IQSEC1: variants seen among roughly 807,000 people sequenced by gnomAD.
IQSEC1 encodes the protein IQ motif and Sec7 domain ArfGEF 1, also known as IQ motif and SEC7 domain-containing protein 1.
Under a neutral mutation model 91.0 loss-of-function variants are expected in IQSEC1, and 31 were observed. That is an observed-to-expected ratio of 0.34 (90% CI 0.26 to 0.46). The LOEUF (loss-of-function observed/expected upper bound fraction) is 0.46, where lower values mean the gene tolerates loss of function less well. Among genes scored for constraint, IQSEC1 ranks in the 20% least tolerant of loss-of-function variants. The pLI is 1.00. For missense variants in IQSEC1, 1,388 were observed against 1,575.6 expected (o/e 0.88, Z 2.02); for synonymous variants, 699 against 662.6 (o/e 1.05, Z -0.84).
intron 1 of IQSEC1, among the ~76,000 whole-genome samples, chr3:13,068,424 G>A (rs360859): frequency 1.3e-5 from 2 of 152,110 alleles, no homozygotes; most frequent in Admixed American, 1.3e-4. Flanking sequence ...AGCAGGCCTG[G>A]GCCCTGGCCT....
intron 9 of IQSEC1, among the ~76,000 whole-genome samples, chr3:12,913,195 A>G (rs1347574103): frequency 6.6e-6 from 1 of 152,198 alleles, no homozygotes; most frequent in African/African-American, 2.4e-5. Context: ...AGTGCTGCTG[A>G]CGTTGGCAGA....
rs1694055117 is a variant in IQSEC1, at chr3:12,899,890, T to G, written c.*1093A>C. ...GAGCTGGTCACTTTCATGTTGGAGA[T>G]GAACACTTCTGCCGTGTATGGGTGC... On this transcript the variant is annotated 3_prime_UTR_variant, in exon 14 of 14. Coordinates refer to ENST00000613206, the MANE Select transcript of IQSEC1 (RefSeq NM_001134382.3). 1.0e-6 allele frequency: 1 copy of G among 984,904 alleles called. No individual in the cohort carries two copies. 61.0% of individuals were successfully genotyped at this position (984,904 alleles called of 1,614,324 possible).
chr3:12,996,274 G>GAGTA (rs1473922110), intron 1 of IQSEC1, among the ~76,000 whole-genome samples: 7 of 152,160 alleles, frequency 4.6e-5, no homozygotes, highest in African/African-American at 1.4e-4. Flanking sequence ...TCAGTGCCAG[G>GAGTA]AGTAGGTCAC....
intron 1 of IQSEC1, among the ~76,000 whole-genome samples, chr3:13,070,641 C>A (rs636442): frequency 1.3e-5 from 2 of 152,078 alleles, no homozygotes; most frequent in East Asian, 1.9e-4. Flanking sequence ...AAGATCCTTG[C>A]GTACAAACAG....
At chr3:12,926,457 T>A (rs2125228281) in intron 3 of IQSEC1, among the ~76,000 whole-genome samples, 1 of 152,358 alleles carries the variant, frequency 6.6e-6, no homozygotes, top group East Asian at 1.9e-4. Context: ...ACTGGCTCCA[T>A]GTCCCCTTGG....
chr3:12,905,825 A>AGGGCCGCTGG (rs1047328064), intron 12 of IQSEC1, among the ~76,000 whole-genome samples: 13 of 152,204 alleles, frequency 8.5e-5, no homozygotes, highest in Admixed American at 7.2e-4. Context: ...GAGGGGCAGG[A>AGGGCCGCTGG]GGGCCGCTGG....
intron 1 of IQSEC1, among the ~76,000 whole-genome samples, chr3:13,001,728 G>A (rs1702431932): frequency 6.6e-6 from 1 of 152,208 alleles, no homozygotes; most frequent in African/African-American, 2.4e-5. Flanking sequence ...TTTTTACAAG[G>A]TGCCAAGACA....
chr3:12,939,023 C>T (rs1055207287), intron 2 of IQSEC1, among the ~76,000 whole-genome samples: 4 of 152,174 alleles, frequency 2.6e-5, no homozygotes, highest in Non-Finnish European at 5.9e-5. Context: ...TTTCCCGGGA[C>T]CCAGTGGATG....
chr3:12,967,807 GC>G lies in IQSEC1; in HGVS notation c.24-25943del. On this transcript the variant is annotated intron_variant, in intron 1 of 13. Transcript: ENST00000613206. This position sits in a 1 kb window ranked among gnomAD's most constrained non-coding sequence, Gnocchi z 5.9. ...GAGGGCGAGCTGGGGGCGGGGCTGC[GC>G]GCGGGGGCGAGACTGCACGGAGCGT... The G allele has an allele frequency of 3.9e-6, 2 of 512,436 alleles. No individual in the cohort carries two copies. Among genetic ancestry groups the G allele is most frequent in the African/African-American group, 2.2e-5 (1 of 45,562 alleles). The allele number at this position is 512,436 out of a possible 1,614,324, so 31.7% of individuals were successfully genotyped here.
chr3:13,080,713 G>A (rs1159782794), intron 2 of IQSEC1, among the ~76,000 whole-genome samples: 1 of 152,128 alleles, frequency 6.6e-6, no homozygotes, highest in African/African-American at 2.4e-5. Context: ...CTGGGCAAGT[G>A]CGCTCCCTCC....
intron 1 of IQSEC1, among the ~76,000 whole-genome samples, chr3:13,227,654 C>T (rs1043101598): frequency 6.6e-6 from 1 of 152,010 alleles, no homozygotes; most frequent in Non-Finnish European, 1.5e-5. Context: ...GTTCTTAAGG[C>T]TACAACCAGG....
chr3:13,136,017 C>A (rs1052842585), intron 2 of IQSEC1, among the ~76,000 whole-genome samples: 3 of 152,236 alleles, frequency 2.0e-5, no homozygotes, highest in Non-Finnish European at 4.4e-5. Context: ...CTGGGCGGTG[C>A]AGACCCAGCC....
upstream of IQSEC1, among the ~76,000 whole-genome samples, chr3:13,077,849 C>A (rs971527392): frequency 6.6e-6 from 1 of 152,230 alleles, no homozygotes; most frequent in Non-Finnish European, 1.5e-5. Context: ...GGCCCTATAA[C>A]AGTTGAGCAG....
chr3:13,090,751 C>T (rs1705845106), intron 2 of IQSEC1, among the ~76,000 whole-genome samples: 1 of 152,164 alleles, frequency 6.6e-6, no homozygotes, highest in Non-Finnish European at 1.5e-5. Flanking sequence ...TCTGCTGGGC[C>T]TGAGGAGGCA....
At chr3:13,107,429 A>G (rs972118907) in intron 2 of IQSEC1, among the ~76,000 whole-genome samples, 1 of 152,182 alleles carries the variant, frequency 6.6e-6, no homozygotes, top group Admixed American at 6.5e-5. Flanking sequence ...TGCTTCCGAG[A>G]TGTTTAATCT....
intron 1 of IQSEC1, among the ~76,000 whole-genome samples, chr3:13,028,178 G>C (rs1470961883): frequency 6.6e-6 from 1 of 152,234 alleles, no homozygotes; most frequent in African/African-American, 2.4e-5. Flanking sequence ...TCAAGCATAG[G>C]GTTTGGCCCA....
chr3:12,978,424 C>T (rs1053256353), intron 1 of IQSEC1, among the ~76,000 whole-genome samples: 8 of 152,108 alleles, frequency 5.3e-5, no homozygotes, highest in Admixed American at 1.3e-4. Context: ...CAGGGCCGGG[C>T]GCGGTGGCTC....
Position 12,922,084 on chromosome 3 carries a change from C to T in IQSEC1, c.1853+36G>A. ...CCTGAAGCTGGGGGACACCATTCTT[C>T]CCTGATGCAGCAGCCCCAGCCAGCC... On this transcript the variant is annotated intron_variant, in intron 5 of 13. Transcript: ENST00000613206. The surrounding 1 kb of genome is among the most constrained non-coding windows in gnomAD (Gnocchi z 5.1). 6.5e-7 allele frequency: 1 copy of T among 1,540,028 alleles called. No homozygotes were observed. Among genetic ancestry groups the T allele is most frequent in the Non-Finnish European group, 8.8e-7 (1 of 1,136,314 alleles).
chr3:12,914,018 C>G lies in IQSEC1; in HGVS notation c.2191-465G>C, dbSNP rs1392394778. Among the ~76,000 whole-genome samples the G allele has an allele frequency of 2.0e-5, 3 of 152,220 alleles. No individual in the cohort carries two copies. In the East Asian group the frequency reaches 5.8e-4, roughly 29 times the overall value. ...AAAAACTGAGGCACAGAAGTAACGA[C>G]AAAACTAGGAAGTGGCAGAGCCAGG... On this transcript the variant is annotated intron_variant, in intron 8 of 13. Coordinates refer to ENST00000613206, the MANE Select transcript of IQSEC1 (RefSeq NM_001134382.3).
Sources: allele counts gnomAD v4.1 joint callset (sites outside exome capture counted in the v4.1 genomes callset), GRCh38; gene constraint gnomAD v4.1.1; non-coding constraint Gnocchi (gnomAD v3.1); transcripts MANE v1.5; gene names NCBI Gene and HGNC (gene_info 2026-07-23, HGNC 2026-07-21).